Variants in ERI3 observed in about 807,000 individuals in gnomAD.
ERI3 encodes the protein ERI1 exoribonuclease family member 3, also known as ERI1 exoribonuclease 3.
Under a neutral mutation model 44.4 loss-of-function variants are expected in ERI3, and 18 were observed. That is an observed-to-expected ratio of 0.41 (90% CI 0.28 to 0.60). ERI3 has a LOEUF of 0.60. Ranked by LOEUF, ERI3 falls within the 20% of genes least tolerant of loss-of-function variation. The probability of loss-of-function intolerance (pLI) is 0.36; values close to 1 mark genes in which losing one functional copy is unlikely to be tolerated. For missense variants in ERI3, 294 were observed against 435.5 expected (o/e 0.68, Z 2.89); for synonymous variants, 183 against 164.8 (o/e 1.11, Z -0.84).
chr1:44,345,118 G>C (rs534602115), intron 2 of ERI3, among the ~76,000 whole-genome samples: 1 of 152,248 alleles, frequency 6.6e-6, no homozygotes, highest in Non-Finnish European at 1.5e-5. Context: ...TTACCTGAGA[G>C]ACCAAAGAAG....
At chr1:44,290,466 C>A (rs1203835291) in intron 6 of ERI3, among the ~76,000 whole-genome samples, 1 of 152,184 alleles carries the variant, frequency 6.6e-6, no homozygotes, top group Non-Finnish European at 1.5e-5. Context: ...TCAAAGAATG[C>A]TGTCCCTAGC....
At chr1:44,249,070 A>G (rs1179327319) in intron 7 of ERI3, among the ~76,000 whole-genome samples, 1 of 152,194 alleles carries the variant, frequency 6.6e-6, no homozygotes, top group Non-Finnish European at 1.5e-5. Context: ...GAAGTAGCCA[A>G]ATAGGATTGA....
At chr1:44,344,881 G>A (rs1427345671) in intron 2 of ERI3, among the ~76,000 whole-genome samples, 1 of 152,190 alleles carries the variant, frequency 6.6e-6, no homozygotes, top group Non-Finnish European at 1.5e-5. Context: ...CAGGTCCCCA[G>A]TGGGGACAGG....
intron 6 of ERI3, among the ~76,000 whole-genome samples, chr1:44,302,506 T>C (rs1645747846): frequency 6.6e-6 from 1 of 152,104 alleles, no homozygotes; most frequent in Non-Finnish European, 1.5e-5. Flanking sequence ...AAATACAGAA[T>C]AGAGGTGTCC....
At chr1:44,343,768 G>T (rs1557868989) in intron 2 of ERI3, among the ~76,000 whole-genome samples, 1 of 152,138 alleles carries the variant, frequency 6.6e-6, no homozygotes, top group Non-Finnish European at 1.5e-5. Flanking sequence ...TTTGATGGTT[G>T]TATTTTGACT....
At chr1:44,297,601 T>C (rs959069306) in intron 6 of ERI3, among the ~76,000 whole-genome samples, 2 of 152,188 alleles carry the variant, frequency 1.3e-5, no homozygotes, top group Admixed American at 6.5e-5. Context: ...AGCCTTCATG[T>C]GCCTCTGCAT....
At chr1:44,245,740 CAA>C (rs1557781272) in intron 8 of ERI3, among the ~76,000 whole-genome samples, 1 of 152,148 alleles carries the variant, frequency 6.6e-6, no homozygotes, top group Non-Finnish European at 1.5e-5. Flanking sequence ...TCAAGAAGCA[CAA>C]AGAGTGGGAA....
intron 7 of ERI3, among the ~76,000 whole-genome samples, chr1:44,251,187 C>T (rs1053076339): frequency 4.6e-5 from 7 of 152,270 alleles, no homozygotes; most frequent in African/African-American, 1.7e-4. Flanking sequence ...GATCCTCACA[C>T]CTGCTACCCC....
Position 44,252,363 on chromosome 1 carries a change from G to A in ERI3, c.832-4325C>T, listed in dbSNP as rs989000473. ...GCTCTCCCCTCTCGTGGCTCTGCCC[G>A]CCTTGGCTGCTGCCCCATTAGCTTA... is the stretch of plus-strand genomic sequence containing the variant. On this transcript the variant is annotated intron_variant, in intron 7 of 8. Coordinates refer to ENST00000372257, the MANE Select transcript of ERI3 (RefSeq NM_024066.3). This position sits in a 1 kb window ranked among gnomAD's most constrained non-coding sequence, Gnocchi z 4.7. Among the ~76,000 whole-genome samples the A allele has an allele frequency of 2.0e-5, 3 of 152,208 alleles. No homozygotes were observed. The highest frequency in any genetic ancestry group is 2.9e-5 in the Non-Finnish European group (2 of 68,030).
rs886321523 is a variant in ERI3, at chr1:44,338,053, G to C, written c.489+992C>G. Among the ~76,000 whole-genome samples, 7 of 152,172 alleles carry C rather than the reference G, an allele frequency of 4.6e-5. No individual in the cohort carries two copies. In the South Asian group the frequency reaches 1.4e-3, roughly 31 times the overall value. On this transcript the variant is annotated intron_variant, in intron 3 of 8. Coordinates refer to ENST00000372257, the MANE Select transcript of ERI3 (RefSeq NM_024066.3). ...AACACCACATACTTCAATATCACCTGCAGCTAATCCAAGCCTCCTAGCAGC... is the reference window on the plus strand; with the variant it reads ...AACACCACATACTTCAATATCACCTCCAGCTAATCCAAGCCTCCTAGCAGC...
intron 3 of ERI3, among the ~76,000 whole-genome samples, chr1:44,326,352 G>C (rs1386469599): frequency 6.6e-6 from 1 of 152,188 alleles, no homozygotes; most frequent in Non-Finnish European, 1.5e-5. Context: ...AAGTTGGATG[G>C]GAGAAGTGAG....
Position 44,241,880 on chromosome 1 carries a change from A to T in ERI3, c.931+6059T>A. On this transcript the variant is annotated intron_variant, in intron 8 of 8. Coordinates refer to ENST00000372257, the MANE Select transcript of ERI3 (RefSeq NM_024066.3). This position sits in a 1 kb window ranked among gnomAD's most constrained non-coding sequence, Gnocchi z 5.6. ...AGAACCTTCTTCCATCCATCTGTCCATCAACTCACCCACCCATCTAGTCCA... is the reference window on the plus strand; with the variant it reads ...AGAACCTTCTTCCATCCATCTGTCCTTCAACTCACCCACCCATCTAGTCCA... The T allele has an allele frequency of 1.1e-6, 1 of 886,412 alleles. No individual in the cohort carries two copies. The highest frequency in any genetic ancestry group is 1.4e-6 in the Non-Finnish European group (1 of 739,486). 54.9% of individuals were successfully genotyped at this position (886,412 alleles called of 1,614,324 possible).
rs111515996 is a variant in ERI3, at chr1:44,309,989, G to T, written c.667-1588C>A. ...ATCCTGGCTGTGTCACTGATGGGGA[G>T]TCATTTAAAAGTCATGTAACCTCTC... On this transcript the variant is annotated intron_variant, in intron 5 of 8. Transcript: ENST00000372257. 1.1e-3 allele frequency among the ~76,000 whole-genome samples: 164 copies of T among 152,314 alleles called. 3 individuals carry two copies. In the East Asian group the frequency reaches 0.026, roughly 25 times the overall value.
At chr1:44,258,734 G>A (rs1383109366) in intron 7 of ERI3, among the ~76,000 whole-genome samples, 1 of 152,122 alleles carries the variant, frequency 6.6e-6, no homozygotes, top group African/African-American at 2.4e-5. Context: ...TCAGACCAGT[G>A]GTCTGAGCTG....
At chr1:44,238,934 A>C (rs925770099) in intron 8 of ERI3, among the ~76,000 whole-genome samples, 2 of 152,106 alleles carry the variant, frequency 1.3e-5, no homozygotes, top group Non-Finnish European at 2.9e-5. Context: ...CAGCTTGTTC[A>C]CAATTACAAC....
intron 7 of ERI3, among the ~76,000 whole-genome samples, chr1:44,249,308 G>C (rs1481264817): frequency 1.3e-5 from 2 of 152,194 alleles, no homozygotes; most frequent in African/African-American, 4.8e-5. Flanking sequence ...ACTGCCAGCT[G>C]TGAGTAGATG....
chr1:44,241,485 C>T lies in ERI3; in HGVS notation c.931+6454G>A, dbSNP rs1004677141. Among the ~76,000 whole-genome samples the T allele has an allele frequency of 5.9e-5, 9 of 152,112 alleles. No homozygotes were observed. Among genetic ancestry groups the T allele is most frequent in the African/African-American group, 1.9e-4 (8 of 41,388 alleles). On this transcript the variant is annotated intron_variant, in intron 8 of 8. Coordinates refer to ENST00000372257, the MANE Select transcript of ERI3 (RefSeq NM_024066.3). The surrounding 1 kb of genome is among the most constrained non-coding windows in gnomAD (Gnocchi z 5.6). ...CACTTCACTGACTCTTGCTCTAACA[C>T]TCCCACCCACCCCCAGCCCATTACT...
chr1:44,249,489 G>C (rs916638285), intron 7 of ERI3, among the ~76,000 whole-genome samples: 4 of 152,190 alleles, frequency 2.6e-5, no homozygotes, highest in African/African-American at 9.6e-5. Context: ...TCCAGCTGCA[G>C]GAACCAACAC....
intron 6 of ERI3, among the ~76,000 whole-genome samples, chr1:44,292,746 C>G (rs767698757): frequency 1.3e-5 from 2 of 152,212 alleles, no homozygotes; most frequent in Admixed American, 1.3e-4. Context: ...ACACTTGCCC[C>G]CTTCCTCTGG....
Sources: allele counts gnomAD v4.1 joint callset (sites outside exome capture counted in the v4.1 genomes callset), GRCh38; gene constraint gnomAD v4.1.1; non-coding constraint Gnocchi (gnomAD v3.1); transcripts MANE v1.5; gene names NCBI Gene and HGNC (gene_info 2026-07-23, HGNC 2026-07-21).